Variants in ELMO1 observed in about 807,000 individuals in gnomAD.
ELMO1 encodes the protein engulfment and cell motility 1, also known as engulfment and cell motility protein 1.
A neutral mutation model predicts 98.9 loss-of-function variants in ELMO1; 26 were observed. That is an observed-to-expected ratio of 0.26 (90% CI 0.19 to 0.36). ELMO1 has a LOEUF of 0.36. Ranked by LOEUF, ELMO1 falls within the 10% of genes least tolerant of loss-of-function variation. ELMO1 has a pLI of 1.00. For missense variants in ELMO1, 627 were observed against 935.2 expected (o/e 0.67, Z 4.30); for synonymous variants, 346 against 346.0 (o/e 1.00, Z 0.00).
At chr7:36,989,304 A>G (rs755101172) in intron 16 of ELMO1, among the ~76,000 whole-genome samples, 6 of 152,232 alleles carry the variant, frequency 3.9e-5, no homozygotes, top group Non-Finnish European at 7.3e-5. Context: ...GATTTGAATC[A>G]AGGGATTCAA....
intron 1 of ELMO1, among the ~76,000 whole-genome samples, chr7:37,409,345 C>T (rs2131491250): frequency 6.6e-6 from 1 of 152,290 alleles, no homozygotes; most frequent in African/African-American, 2.4e-5. Context: ...CTCTTAGCAA[C>T]TTTATATGGC....
chr7:37,029,851 A>C, intron 15 of ELMO1, among the ~76,000 whole-genome samples: 1 of 152,252 alleles, frequency 6.6e-6, no homozygotes, highest in South Asian at 2.1e-4. Context: ...TTAGAGTCTT[A>C]AATTAATGGG....
chr7:36,991,114 C>G (rs938134633), intron 16 of ELMO1, among the ~76,000 whole-genome samples: 1 of 152,174 alleles, frequency 6.6e-6, no homozygotes, highest in Admixed American at 6.5e-5. Flanking sequence ...ACGCTGCAAC[C>G]AGTTTTGTTT....
chr7:37,256,363 G>C (rs1027398359), intron 6 of ELMO1, among the ~76,000 whole-genome samples: 2 of 152,042 alleles, frequency 1.3e-5, no homozygotes, highest in South Asian at 2.1e-4. Flanking sequence ...TTCAGTTCTA[G>C]GGATTTTCTC....
At chr7:37,017,997 C>T (rs1794042314) in intron 15 of ELMO1, among the ~76,000 whole-genome samples, 1 of 152,164 alleles carries the variant, frequency 6.6e-6, no homozygotes, top group Non-Finnish European at 1.5e-5. Context: ...CCCCCCTGAA[C>T]CTGTTTCCTC....
At chr7:37,031,223 ACATGTATAGC>A (rs1426837033) in intron 15 of ELMO1, among the ~76,000 whole-genome samples, 87 of 152,210 alleles carry the variant, frequency 5.7e-4, no homozygotes, top group Middle Eastern at 3.4e-3. Flanking sequence ...AACTATAGCC[ACATGTATAGC>A]CTCTGCTTAA....
chr7:37,133,783 C>G (rs996930109), intron 13 of ELMO1, among the ~76,000 whole-genome samples: 1 of 152,138 alleles, frequency 6.6e-6, no homozygotes, highest in Non-Finnish European at 1.5e-5. Context: ...GTTCAGATAT[C>G]CACAGGGTCC....
At chr7:37,014,058 C>T (rs1390091717) in intron 15 of ELMO1, among the ~76,000 whole-genome samples, 1 of 152,114 alleles carries the variant, frequency 6.6e-6, no homozygotes, top group African/African-American at 2.4e-5. Flanking sequence ...GGCAACTGGT[C>T]CAGTCCTGGG....
rs1799472504 is a variant in ELMO1, at chr7:37,321,200, T to C, written c.79-5240A>G. Reference sequence around the variant, plus strand: ...TATCCTTGTTTGTTCTCATTTCCTATAGAAAGCCCTCTGTCTGACATGAGC... The same window carrying C: ...TATCCTTGTTTGTTCTCATTTCCTACAGAAAGCCCTCTGTCTGACATGAGC... On this transcript the variant is annotated intron_variant, in intron 2 of 21. Transcript: ENST00000310758. 2.0e-5 allele frequency among the ~76,000 whole-genome samples: 3 copies of C among 152,278 alleles called. No homozygotes were observed. In the South Asian group the frequency reaches 6.2e-4, roughly 32 times the overall value.
chr7:36,871,013 C>T (rs908265754), intron 19 of ELMO1, among the ~76,000 whole-genome samples: 32 of 152,224 alleles, frequency 2.1e-4, no homozygotes, highest in Admixed American at 3.9e-4. Context: ...TCTCCAAAAT[C>T]TCTTTCTCTG....
intron 15 of ELMO1, among the ~76,000 whole-genome samples, chr7:37,076,886 T>C (rs1389930657): frequency 6.6e-6 from 1 of 152,258 alleles, no homozygotes; most frequent in East Asian, 1.9e-4. Context: ...GCACAGGCTG[T>C]GTATCTGGCA....
chr7:37,244,725 T>TA (rs1242923472), intron 6 of ELMO1, among the ~76,000 whole-genome samples: 4 of 152,224 alleles, frequency 2.6e-5, no homozygotes, highest in African/African-American at 9.6e-5. Context: ...TAGGAATTGA[T>TA]ACATTTTAAA....
rs1802024057 is a variant in ELMO1 at position 36,854,040 on chromosome 7, GAA to G, written c.*1509_*1510del. On this transcript the variant is annotated 3_prime_UTR_variant, in exon 22 of 22. Coordinates refer to ENST00000310758, the MANE Select transcript of ELMO1 (RefSeq NM_014800.11). ...CTATAAATTATATCATGGTAAGAAA[GAA>G]AAAAGAGAAAGTCATGGTCAAGAGA... is the stretch of plus-strand genomic sequence containing the variant. 6.6e-6 allele frequency among the ~76,000 whole-genome samples: 1 copy of G among 152,046 alleles called. No individual in the cohort carries two copies. The highest frequency in any genetic ancestry group is 1.5e-5 in the Non-Finnish European group (1 of 67,990).
At chr7:37,033,126 G>A (rs80024371) in intron 15 of ELMO1, among the ~76,000 whole-genome samples, 2,367 of 151,658 alleles carry the variant, frequency 0.016, 73 homozygotes, top group African/African-American at 0.054. Flanking sequence ...TTCCATAATC[G>A]CTGTCTCCTG....
chr7:37,352,557 G>C (rs140147011), intron 1 of ELMO1, among the ~76,000 whole-genome samples: 1 of 152,188 alleles, frequency 6.6e-6, no homozygotes, highest in East Asian at 1.9e-4. Flanking sequence ...TGCGGCACAC[G>C]TTTCTCATAG....
chr7:36,988,177 C>G (rs757607842), intron 16 of ELMO1, among the ~76,000 whole-genome samples: 1 of 152,196 alleles, frequency 6.6e-6, no homozygotes, highest in Non-Finnish European at 1.5e-5. Context: ...CACCCAAAGC[C>G]AACACTGTCA....
chr7:37,121,149 G>A (rs1341225955), intron 14 of ELMO1, among the ~76,000 whole-genome samples: 1 of 151,996 alleles, frequency 6.6e-6, no homozygotes, highest in Non-Finnish European at 1.5e-5. Flanking sequence ...AAAGACCAAA[G>A]GTAGATAAAA....
At chr7:37,237,819 T>C (rs1794560693) in intron 7 of ELMO1, among the ~76,000 whole-genome samples, 1 of 152,234 alleles carries the variant, frequency 6.6e-6, no homozygotes, top group Admixed American at 6.5e-5. Flanking sequence ...GCATGACTTA[T>C]GTCAGCAAAC....
At chr7:37,150,285 T>A (rs1788268977) in intron 13 of ELMO1, among the ~76,000 whole-genome samples, 1 of 152,074 alleles carries the variant, frequency 6.6e-6, no homozygotes, top group African/African-American at 2.4e-5. Context: ...TTCTTTTTTT[T>A]TTTTTCTTTA....
Sources: allele counts gnomAD v4.1 joint callset (sites outside exome capture counted in the v4.1 genomes callset), GRCh38; gene constraint gnomAD v4.1.1; transcripts MANE v1.5; gene names NCBI Gene and HGNC (gene_info 2026-07-23, HGNC 2026-07-21).